Variants in PIP5K1B observed in about 807,000 individuals in gnomAD.
PIP5K1B encodes phosphatidylinositol 4-phosphate 5-kinase type-1 beta.
A neutral mutation model predicts 67.0 loss-of-function variants in PIP5K1B; 42 were observed. The ratio of observed to expected loss-of-function variants is 0.63; its 90% CI spans 0.49 to 0.81. The LOEUF (loss-of-function observed/expected upper bound fraction) is 0.81. Among genes scored for constraint, PIP5K1B ranks in the 30% least tolerant of loss-of-function variants. PIP5K1B has a pLI of 0.00. For synonymous variants in PIP5K1B, 214 were observed against 231.4 expected (o/e 0.92, Z 0.68); for missense variants, 459 against 646.3 (o/e 0.71, Z 3.14).
At chr9:68,863,713 C>T in intron 4 of PIP5K1B, 124 bp from the exon 5 acceptor site, 1 of 742,228 alleles carries the variant, frequency 1.3e-6, no homozygotes. Flanking sequence ...CTTGCCAAAC[C>T]TCAGCCTCGT....
chr9:68,833,622 G>A (rs1384759647), intron 4 of PIP5K1B, among the ~76,000 whole-genome samples: 1 of 151,724 alleles, frequency 6.6e-6, no homozygotes, highest in Non-Finnish European at 1.5e-5. Context: ...GCTAAGTTGA[G>A]AAGCCCTGAG....
intron 13 of PIP5K1B, among the ~76,000 whole-genome samples, chr9:68,938,393 C>A (rs1827381471): frequency 6.6e-6 from 1 of 152,050 alleles, no homozygotes; most frequent in Non-Finnish European, 1.5e-5. Context: ...GGTTTAAAGT[C>A]TGTTTTATCA....
chr9:68,918,100 T>A (rs1826193487), intron 9 of PIP5K1B, among the ~76,000 whole-genome samples: 1 of 150,286 alleles, frequency 6.7e-6, no homozygotes, highest in Non-Finnish European at 1.5e-5. Context: ...TATTTATTTT[T>A]TTTTTTTGAG....
chr9:68,882,170 C>A (rs569802928), intron 6 of PIP5K1B, among the ~76,000 whole-genome samples: 1 of 152,310 alleles, frequency 6.6e-6, no homozygotes, highest in East Asian at 1.9e-4. Flanking sequence ...AACCCAGGAG[C>A]ACACATGGGG....
chr9:69,006,280 G>C (rs773163258), intron 15 of PIP5K1B, among the ~76,000 whole-genome samples: 2 of 152,132 alleles, frequency 1.3e-5, no homozygotes, highest in Non-Finnish European at 2.9e-5. Context: ...CAACCACTGA[G>C]TCTCAGCAGA....
At chr9:68,802,982 G>A (rs145746340) in intron 2 of PIP5K1B, among the ~76,000 whole-genome samples, 2 of 152,300 alleles carry the variant, frequency 1.3e-5, no homozygotes. Context: ...TAGGAGGCTA[G>A]GGCAGCAATC....
At chr9:69,007,582 G>GCA (rs1244541580) in intron 15 of PIP5K1B, among the ~76,000 whole-genome samples, 4 of 152,212 alleles carry the variant, frequency 2.6e-5, no homozygotes, top group East Asian at 1.9e-4. Context: ...ATCAGGCCGG[G>GCA]TGAGGTGGCT....
intron 7 of PIP5K1B, among the ~76,000 whole-genome samples, chr9:68,890,738 A>G (rs1022074114): frequency 2.0e-5 from 3 of 151,894 alleles, no homozygotes; most frequent in South Asian, 2.1e-4. Flanking sequence ...CCAGAGATAC[A>G]TATTACTAAA....
intron 1 of PIP5K1B, among the ~76,000 whole-genome samples, chr9:68,732,992 T>C (rs1828526827): frequency 6.6e-6 from 1 of 152,154 alleles, no homozygotes; most frequent in Non-Finnish European, 1.5e-5. Context: ...TGTACCAATT[T>C]TGATGCTTTG....
rs117500252 is a variant in PIP5K1B, at chr9:68,709,291, G to C, written c.-243+3529G>C. ...AGGTCTCATTCTGTTTCCCAGGCTG[G>C]AGTGCAGTGGCCCAACTCCAGCCTC... On this transcript the variant is annotated intron_variant, in intron 1 of 15. Transcript: ENST00000265382. Among the ~76,000 whole-genome samples the C allele has an allele frequency of 9.3e-3, 1,410 of 151,876 alleles. 10 individuals are homozygous for C. Among genetic ancestry groups the C allele is most frequent in the Admixed American group, 0.018 (272 of 15,256 alleles).
chr9:68,867,693 A>C (rs557504514), intron 5 of PIP5K1B, among the ~76,000 whole-genome samples: 1 of 152,320 alleles, frequency 6.6e-6, no homozygotes, highest in African/African-American at 2.4e-5. Context: ...ACTTTCTTGT[A>C]TGTCAATTAA....
intron 14 of PIP5K1B, among the ~76,000 whole-genome samples, chr9:68,970,229 G>T (rs921681347): frequency 6.6e-6 from 1 of 152,180 alleles, no homozygotes; most frequent in Non-Finnish European, 1.5e-5. Context: ...ATCTAAAATT[G>T]TTTAAAGGAG....
At chr9:68,945,456 C>T (rs1457989445) in intron 14 of PIP5K1B, among the ~76,000 whole-genome samples, 1 of 152,148 alleles carries the variant, frequency 6.6e-6, no homozygotes, top group Non-Finnish European at 1.5e-5. Flanking sequence ...AATGGGCTTA[C>T]GTTAATGTCT....
intron 14 of PIP5K1B, among the ~76,000 whole-genome samples, chr9:68,942,864 A>C (rs925868761): frequency 6.6e-6 from 1 of 152,204 alleles, no homozygotes; most frequent in Non-Finnish European, 1.5e-5. Context: ...AAACCACTTA[A>C]TCTTAACCAG....
At chr9:68,847,413 T>TTGTGTGTGTGTGTGTGTGTGTG (rs777818994) in intron 4 of PIP5K1B, among the ~76,000 whole-genome samples, 14 of 101,646 alleles carry the variant, frequency 1.4e-4, no homozygotes, top group East Asian at 9.5e-4. Flanking sequence ...AGCAGTGGTT[T>TTGTGTGTGTGTGTGTGTGTGTG]TGTGTGTGTG....
chr9:68,971,300 A>G (rs869306042), intron 14 of PIP5K1B, among the ~76,000 whole-genome samples: 1 of 152,164 alleles, frequency 6.6e-6, no homozygotes, highest in Non-Finnish European at 1.5e-5. Context: ...CAGCTTCATC[A>G]ATGTCCCTGC....
intron 8 of PIP5K1B, among the ~76,000 whole-genome samples, chr9:68,915,363 G>A (rs557858609): frequency 1.1e-4 from 16 of 152,116 alleles, no homozygotes; most frequent in Admixed American, 2.0e-4. Context: ...TTTCAGTATG[G>A]TTGAGAATTA....
chr9:68,993,422 T>G (rs1246286850), intron 15 of PIP5K1B, among the ~76,000 whole-genome samples: 3 of 152,174 alleles, frequency 2.0e-5, no homozygotes, highest in Non-Finnish European at 4.4e-5. Flanking sequence ...TCAGATAGGC[T>G]TTTCTTGACC....
chr9:68,858,171 A>G (rs1480244301), intron 4 of PIP5K1B, among the ~76,000 whole-genome samples: 1 of 151,950 alleles, frequency 6.6e-6, no homozygotes, highest in Non-Finnish European at 1.5e-5. Context: ...ACGCGGTTTC[A>G]CCATGTTAGC....
Sources: gnomAD v4.1 joint callset for allele counts (sites outside exome capture counted in the v4.1 genomes callset) on GRCh38, gnomAD v4.1.1 for gene constraint, MANE v1.5 for transcripts, NCBI Gene and HGNC (gene_info 2026-07-23, HGNC 2026-07-21) for gene names.